The following MSANTD4 variants were observed in gnomAD, a reference collection of about 807,000 sequenced individuals.
MSANTD4 encodes Myb/SANT DNA binding domain containing 4 with coiled-coils.
MSANTD4 carries 13 observed loss-of-function variants against 34.3 expected under a neutral mutation model. The ratio of observed to expected loss-of-function variants is 0.38; its 90% CI spans 0.25 to 0.60. The LOEUF is 0.60. MSANTD4 is among the 20% of genes least tolerant of loss of function. The pLI is 0.63. For synonymous variants in MSANTD4, 137 were observed against 145.2 expected (o/e 0.94, Z 0.41); for missense variants, 358 against 401.8 (o/e 0.89, Z 0.93).
At chr11:106,011,176 A>G (rs982930128) in intron 1 of MSANTD4, 109 bp from the exon 2 acceptor site, 5 of 461,366 alleles carry the variant, frequency 1.1e-5, no homozygotes, top group Non-Finnish European at 1.8e-5. Context: ...CCCTCTAAAT[A>G]TAGCTTAAAA....
chr11:106,010,393 G>A lies in MSANTD4; in HGVS notation c.462+63C>T. 8 of 1,524,146 alleles carry A rather than the reference G, an allele frequency of 5.2e-6. No individual in the cohort carries two copies. In the South Asian group the frequency reaches 9.2e-5, roughly 18 times the overall value. 94.4% of individuals were successfully genotyped at this position (1,524,146 alleles called of 1,614,324 possible). On this transcript the variant is annotated intron_variant, in intron 2 of 2. Coordinates refer to ENST00000301919, the MANE Select transcript of MSANTD4 (RefSeq NM_032424.3). Reference sequence around the variant, plus strand: ...ATCTTGGAATGTGTTAACAGTTCCTGAACAATAATCTCCCACATCAGAATT... The same window carrying A: ...ATCTTGGAATGTGTTAACAGTTCCTAAACAATAATCTCCCACATCAGAATT...
At chr11:106,017,859 T>C (rs899999503) in intron 1 of MSANTD4, among the ~76,000 whole-genome samples, 3 of 152,082 alleles carry the variant, frequency 2.0e-5, no homozygotes, top group Non-Finnish European at 4.4e-5. Flanking sequence ...GAAGAAAAAT[T>C]ATACAATTGA....
chr11:106,019,815 G>A (rs1859975714), intron 1 of MSANTD4, among the ~76,000 whole-genome samples: 1 of 152,332 alleles, frequency 6.6e-6, no homozygotes, highest in East Asian at 1.9e-4. Flanking sequence ...AATGAAGTCT[G>A]TAACCTGAAG....
chr11:106,010,441 G>T lies in MSANTD4; in HGVS notation c.462+15C>A. 6.3e-7 allele frequency: 1 copy of T among 1,594,378 alleles called. No homozygotes were observed. Among genetic ancestry groups the T allele is most frequent in the Non-Finnish European group, 8.5e-7 (1 of 1,169,782 alleles). ...ATTGAAAAGATTAAAAGAGGGTACA[G>T]AGGCTAATACTTACTTCAGGACTCT... On this transcript the variant is annotated intron_variant, in intron 2 of 2. Transcript: ENST00000301919.
chr11:106,009,880 T>G lies in MSANTD4; in HGVS notation c.693A>C (p.Glu231Asp), dbSNP rs148104888. Reference sequence around the variant, plus strand: ...GCCTCTCTTTCTCGATTTGTAGGCGTTCCTTTTCTACCTGCAGCCTTTCGG... The same window carrying G: ...GCCTCTCTTTCTCGATTTGTAGGCGGTCCTTTTCTACCTGCAGCCTTTCGG... ...IEAERLQVEKERLQIEKERLR... is the reference protein window; with the variant it reads ...IEAERLQVEKDRLQIEKERLR... The change falls in exon 3 of 3, where the codon GAA (glutamate) becomes GAC (aspartate). Residue 231 changes from glutamate to aspartate, a missense_variant. Physicochemically the swap from Glu to Asp is conservative, Grantham distance 45 (BLOSUM62 2). Coordinates refer to ENST00000301919, the MANE Select transcript of MSANTD4 (RefSeq NM_032424.3). 7.4e-6 allele frequency: 12 copies of G among 1,613,506 alleles called. No homozygotes were observed. The highest frequency in any genetic ancestry group is 1.0e-5 in the Non-Finnish European group (12 of 1,179,908).
intron 1 of MSANTD4, among the ~76,000 whole-genome samples, chr11:106,018,790 G>A (rs997627885): frequency 1.3e-5 from 2 of 152,140 alleles, no homozygotes; most frequent in African/African-American, 4.8e-5. Flanking sequence ...CACATCAAAA[G>A]AATGAATGAA....
intron 1 of MSANTD4, among the ~76,000 whole-genome samples, chr11:106,018,709 G>A (rs896101677): frequency 1.3e-5 from 2 of 152,174 alleles, no homozygotes; most frequent in Non-Finnish European, 2.9e-5. Context: ...ATATGCCCAA[G>A]AGAATGTTAT....
Position 106,009,621 on chromosome 11 carries a change from C to G in MSANTD4, c.952G>C (p.Glu318Gln). Residue 318 changes from glutamate to glutamine, a missense_variant, in exon 3 of 3, where the codon GAA becomes CAA. Glu to Gln is a conservative substitution (Grantham distance 29, BLOSUM62 2). Around this residue, in one of 2 missense-constraint regions of MSANTD4, gnomAD observed 312 missense variants for 317.6 expected, o/e 0.98. Coordinates refer to ENST00000301919, the MANE Select transcript of MSANTD4 (RefSeq NM_032424.3). ...TTTTCAATCTGCAGCTTCTCAGATTCAAACTTCAAAAACTGCAGCCTATCC... is the reference window on the plus strand; with the variant it reads ...TTTTCAATCTGCAGCTTCTCAGATTGAAACTTCAAAAACTGCAGCCTATCC... ...EKDRLQFLKF[E>Q]SEKLQIEKER... The G allele has an allele frequency of 6.2e-7, 1 of 1,614,196 alleles. No individual in the cohort carries two copies. Among genetic ancestry groups the G allele is most frequent in the African/African-American group, 1.3e-5 (1 of 75,046 alleles).
In MSANTD4 at chr11:106,008,523, T is replaced by C. The variant is rs1859591955; in HGVS notation, c.*1012A>G. On this transcript the variant is annotated 3_prime_UTR_variant, in exon 3 of 3. Coordinates refer to ENST00000301919, the MANE Select transcript of MSANTD4 (RefSeq NM_032424.3). ...ATTATTATTTGATACGGAGTACATC[T>C]TCCCCACCTACCCCCTACTCCCAAA... The C allele has an allele frequency of 6.6e-6, 1 of 152,266 alleles. No individual in the cohort carries two copies. The highest frequency in any genetic ancestry group is 2.4e-5 in the African/African-American group (1 of 41,464). 9.4% of individuals were successfully genotyped at this position (152,266 alleles called of 1,614,324 possible).
At chr11:106,019,559 G>A (rs996436871) in intron 1 of MSANTD4, among the ~76,000 whole-genome samples, 1 of 151,940 alleles carries the variant, frequency 6.6e-6, no homozygotes, top group Non-Finnish European at 1.5e-5. Context: ...CTGCCTTTTC[G>A]TCAGGCCAAT....
chr11:106,019,781 A>T (rs1348284048), intron 1 of MSANTD4, among the ~76,000 whole-genome samples: 1 of 152,210 alleles, frequency 6.6e-6, no homozygotes, highest in African/African-American at 2.4e-5. Flanking sequence ...ACAGATGCAT[A>T]AAAAAAGTAC....
At position 106,008,825 on chromosome 11, in the gene MSANTD4, G is replaced by A. The variant is rs1401697142; in HGVS notation, c.*710C>T. 1 of 152,108 alleles carries A rather than the reference G, an allele frequency of 6.6e-6. No individual in the cohort carries two copies. Among genetic ancestry groups the A allele is most frequent in the African/African-American group, 2.4e-5 (1 of 41,428 alleles). 9.4% of individuals were successfully genotyped at this position (152,108 alleles called of 1,614,324 possible). A position where few individuals can be genotyped will look rare whatever the true frequency, so the allele number is the denominator to read the frequency against. ...TGACCCATTTTAGAAAATTTCTGAT[G>A]TTCTCTGTATTGTTTTCTGAATCTG... On this transcript the variant is annotated 3_prime_UTR_variant, in exon 3 of 3. Coordinates refer to ENST00000301919, the MANE Select transcript of MSANTD4 (RefSeq NM_032424.3).
chr11:106,019,778 C>T (rs1271992842), intron 1 of MSANTD4, among the ~76,000 whole-genome samples: 5 of 152,140 alleles, frequency 3.3e-5, no homozygotes, highest in Admixed American at 3.3e-4. Context: ...AACACAGATG[C>T]ATAAAAAAAG....
At chr11:106,014,784 C>G (rs980994955) in intron 1 of MSANTD4, among the ~76,000 whole-genome samples, 2 of 151,774 alleles carry the variant, frequency 1.3e-5, no homozygotes, top group African/African-American at 4.8e-5. Context: ...ATCACCACAT[C>G]TTTGTTTCCA....
chr11:106,018,329 A>G (rs1859919075), intron 1 of MSANTD4, among the ~76,000 whole-genome samples: 1 of 152,322 alleles, frequency 6.6e-6, no homozygotes, highest in African/African-American at 2.4e-5. Flanking sequence ...CAAGAACCCA[A>G]TAGAACATGT....
At position 106,009,628 on chromosome 11, in the gene MSANTD4, C is replaced by T; in HGVS notation, c.945G>A (p.Leu315=). Residue 315 remains leucine (L), a synonymous_variant, in exon 3 of 3, where the codon TTG becomes TTA. Coordinates refer to ENST00000301919, the MANE Select transcript of MSANTD4 (RefSeq NM_032424.3). The part of the protein sequence containing the change: ...LQLEKDRLQF[L]KFESEKLQIE... The stretch of plus-strand genomic sequence containing the variant: ...TCTGCAGCTTCTCAGATTCAAACTT[C>T]AAAAACTGCAGCCTATCCTTTTCCA... The T allele has an allele frequency of 6.2e-7, 1 of 1,614,186 alleles. No individual in the cohort carries two copies. Among genetic ancestry groups the T allele is most frequent in the Non-Finnish European group, 8.5e-7 (1 of 1,180,032 alleles).
intron 1 of MSANTD4, among the ~76,000 whole-genome samples, chr11:106,013,635 C>T (rs1033230675): frequency 2.6e-5 from 4 of 152,114 alleles, no homozygotes; most frequent in Admixed American, 2.6e-4. Context: ...CTGAGGCGGG[C>T]GGATTGCCTG....
intron 1 of MSANTD4, among the ~76,000 whole-genome samples, chr11:106,014,906 T>C (rs990158842): frequency 1.4e-5 from 2 of 148,010 alleles, no homozygotes. Flanking sequence ...TCACTGTCAA[T>C]TTCACATACC....
rs751292532 is a variant in MSANTD4 at position 106,009,939 on chromosome 11, G to C, written c.634C>G (p.Leu212Val). 1 of 1,613,520 alleles carries C rather than the reference G, an allele frequency of 6.2e-7. No homozygotes were observed. The highest frequency in any genetic ancestry group is 8.5e-7 in the Non-Finnish European group (1 of 1,180,012). The stretch of plus-strand genomic sequence containing the variant: ...TCCAGTCGTCGTTTTTCCAACTCTA[G>C]TTTCTGTTTCTCAATATTTACGAGC... ...HLLVNIEKQK[L>V]ELEKRRLDIE... The change falls in exon 3 of 3, where the codon CTA becomes GTA. Residue 212 changes from leucine (L) to valine (V), a missense_variant. Leu to Val is a conservative substitution (Grantham distance 32, BLOSUM62 1). Around this residue, in one of 2 missense-constraint regions of MSANTD4, gnomAD observed 312 missense variants for 317.6 expected, o/e 0.98. Coordinates refer to ENST00000301919, the MANE Select transcript of MSANTD4 (RefSeq NM_032424.3).
Sources: gnomAD v4.1 joint callset for allele counts (sites outside exome capture counted in the v4.1 genomes callset) on GRCh38, gnomAD v4.1.1 for gene constraint, gnomAD v4.1.1 regional missense constraint, MANE v1.5 for transcripts, NCBI Gene and HGNC (gene_info 2026-07-23, HGNC 2026-07-21) for gene names.